Variants in DDX46 observed in about 807,000 individuals in gnomAD.
DDX46 encodes DEAD-box helicase 46, also known as probable ATP-dependent RNA helicase DDX46.
DDX46 carries 30 observed loss-of-function variants against 134.9 expected under a neutral mutation model. That is an observed-to-expected ratio of 0.22 (90% CI 0.17 to 0.30). DDX46 has a LOEUF of 0.30. DDX46 is among the 10% of genes least tolerant of loss of function. The pLI, the probability that DDX46 is intolerant of heterozygous loss-of-function variation, is 1.00. For missense variants in DDX46, 622 were observed against 1,248.7 expected, an observed-to-expected ratio of 0.50 and a Z score of 7.56; for synonymous variants, 415 against 404.1, an observed-to-expected ratio of 1.03 and a Z score of -0.32.
At chr5:134,776,907 C>CTT (rs1753956297) in intron 5 of DDX46, among the ~76,000 whole-genome samples, 1 of 136,782 alleles carries the variant, frequency 7.3e-6, no homozygotes, top group Admixed American at 8.0e-5. Flanking sequence ...GAGCGAGACT[C>CTT]TGTCTCAAAA....
chr5:134,788,175 A>T (rs2150144784), intron 11 of DDX46, among the ~76,000 whole-genome samples: 1 of 152,098 alleles, frequency 6.6e-6, no homozygotes. Flanking sequence ...CTCAGGCTGG[A>T]GTGCAAGGAT....
chr5:134,829,733 C>G lies in DDX46; in HGVS notation c.*1027C>G, dbSNP rs1755684393. On this transcript the variant is annotated 3_prime_UTR_variant, in exon 23 of 23. Coordinates refer to ENST00000452510, the MANE Select transcript of DDX46 (RefSeq NM_001300860.2). Reference sequence around the variant, plus strand: ...CAGCAATTTGGGAGGCCGAGGTGGGCAGATCACTTGAGGTCAGGAGTTCAA... The same window carrying G: ...CAGCAATTTGGGAGGCCGAGGTGGGGAGATCACTTGAGGTCAGGAGTTCAA... 1 of 152,082 alleles carries G rather than the reference C, an allele frequency of 6.6e-6. No individual in the cohort carries two copies. The highest frequency in any genetic ancestry group is 6.6e-5 in the Admixed American group (1 of 15,246). The allele number at this position is 152,082 out of a possible 1,614,324, so 9.4% of individuals were successfully genotyped here.
intron 15 of DDX46, among the ~76,000 whole-genome samples, chr5:134,804,599 A>G (rs1264050319): frequency 6.6e-6 from 1 of 152,048 alleles, no homozygotes; most frequent in East Asian, 1.9e-4. Context: ...CCACCACACC[A>G]GGCTAATTTT....
At chr5:134,813,134 A>G (rs1268934690) in intron 18 of DDX46, among the ~76,000 whole-genome samples, 3 of 151,836 alleles carry the variant, frequency 2.0e-5, no homozygotes, top group Admixed American at 6.6e-5. Flanking sequence ...TACTAGAGAC[A>G]GGGTTTCACC....
chr5:134,768,842 C>T (rs762470247), intron 3 of DDX46, among the ~76,000 whole-genome samples: 3 of 151,992 alleles, frequency 2.0e-5, no homozygotes, highest in South Asian at 2.1e-4. Context: ...GGATGGATCA[C>T]GAGGTCAGGA....
chr5:134,826,838 C>A, intron 21 of DDX46, 109 bp from the exon 22 acceptor site: 1 of 992,098 alleles, frequency 1.0e-6, no homozygotes, highest in Non-Finnish European at 1.5e-6. Context: ...GCAGGCAGTA[C>A]AGTGTTTCTG....
At position 134,758,813 on chromosome 5, in the gene DDX46, A is replaced by G. The variant is rs1226425469; in HGVS notation, c.-126A>G. The G allele has an allele frequency of 3.4e-6, 5 of 1,464,634 alleles. No individual in the cohort carries two copies. In the African/African-American group the frequency reaches 4.2e-5, roughly 12 times the overall value. The allele number at this position is 1,464,634 out of a possible 1,614,324, so 90.7% of individuals were successfully genotyped here. A position where few individuals can be genotyped will look rare whatever the true frequency, so the allele number is the denominator to read the frequency against. ...TTGGCCGCGCTGGGATGGCCGCCAC[A>G]GCTGTAGGTGCTGCTAGTGTTTAGC... On this transcript the variant is annotated 5_prime_UTR_variant, in exon 1 of 23. Transcript: ENST00000452510.
In DDX46 at chr5:134,758,845, C is replaced by T. The variant is rs938355757; in HGVS notation, c.-94C>T. On this transcript the variant is annotated 5_prime_UTR_variant, in exon 1 of 23. Coordinates refer to ENST00000452510, the MANE Select transcript of DDX46 (RefSeq NM_001300860.2). ...GGTGCTGCTAGTGTTTAGCGCTGGT[C>T]TTTGCCGGGCGTTGAGGGCAGCTCA... is the stretch of plus-strand genomic sequence containing the variant. The T allele has an allele frequency of 6.9e-6, 11 of 1,595,624 alleles. No homozygotes were observed. Among genetic ancestry groups the T allele is most frequent in the Non-Finnish European group, 9.4e-6 (11 of 1,164,510 alleles).
rs10655595 is a variant in DDX46 at position 134,780,564 on chromosome 5, C to CAATAAATAAATA, written c.766-542_766-531dup. On this transcript the variant is annotated intron_variant, in intron 6 of 22. Transcript: ENST00000452510. ...GGGTGACAAGAGCAAAACTTTATCT[C>CAATAAATAAATA]AATAAATAAATAAATAAATAAATAA... is the stretch of plus-strand genomic sequence containing the variant. 5.0e-3 allele frequency among the ~76,000 whole-genome samples: 708 copies of CAATAAATAAATA among 142,326 alleles called. 2 individuals carry two copies. Among genetic ancestry groups the CAATAAATAAATA allele is most frequent in the Admixed American group, 0.012 (168 of 13,946 alleles). The allele number at this position is 142,326 out of a possible 152,430, so 93.4% of individuals were successfully genotyped here.
intron 12 of DDX46, chr5:134,789,361 A>G (rs1337548534): frequency 6.6e-6 from 1 of 152,166 alleles, no homozygotes; most frequent in African/African-American, 2.4e-5. Context: ...TTATTTTGGC[A>G]CTTTTTATTT....
intron 1 of DDX46, among the ~76,000 whole-genome samples, chr5:134,762,109 A>G (rs2150127261): frequency 6.6e-6 from 1 of 152,156 alleles, no homozygotes; most frequent in South Asian, 2.1e-4. Flanking sequence ...ATGAAAAATA[A>G]AAAGAAATAA....
chr5:134,810,850 A>G (rs549908105), intron 16 of DDX46, among the ~76,000 whole-genome samples: 1 of 151,834 alleles, frequency 6.6e-6, no homozygotes, highest in South Asian at 2.1e-4. Context: ...TAGTGAAAAT[A>G]CAAAAATTAG....
intron 21 of DDX46, among the ~76,000 whole-genome samples, chr5:134,822,640 A>G (rs1337416467): frequency 6.6e-6 from 1 of 152,014 alleles, no homozygotes; most frequent in Non-Finnish European, 1.5e-5. Flanking sequence ...TTGTTCTGTC[A>G]CCTGTCCTGG....
rs28422127 is a variant in DDX46 at position 134,788,663 on chromosome 5, A to G, written c.1543+72A>G. 4.6e-3 allele frequency: 6,123 copies of G among 1,324,466 alleles called. 237 individuals carry two copies. In the African/African-American group the frequency reaches 0.08, roughly 17 times the overall value. 82.0% of individuals were successfully genotyped at this position (1,324,466 alleles called of 1,614,324 possible). A position where few individuals can be genotyped will look rare whatever the true frequency, so the allele number is the denominator to read the frequency against. On this transcript the variant is annotated intron_variant, in intron 12 of 22. Transcript: ENST00000452510. The stretch of plus-strand genomic sequence containing the variant: ...ACTTTTTTTTGTTAAAACAGATGCA[A>G]GAAACCAACAAAGGGTTTCTATATT...
intron 15 of DDX46, among the ~76,000 whole-genome samples, chr5:134,800,597 C>G (rs1754796741): frequency 6.6e-6 from 1 of 152,238 alleles, no homozygotes; most frequent in Middle Eastern, 3.4e-3. Context: ...CTCATCGTGT[C>G]CCTATAAAGG....
In DDX46 at chr5:134,782,961, A is replaced by T. The variant is rs201316770; in HGVS notation, c.1062A>T (p.Arg354=). ...KMSQEEVNVF[R]LEMEGITVKG... ...GTTTTGTAGAGGTAAATGTGTTTCG[A>T]TTGGAAATGGAGGGCATTACAGTTA... The change falls in exon 9 of 23, where the codon CGA becomes CGT. Residue 354 remains arginine, a synonymous_variant. Coordinates refer to ENST00000452510, the MANE Select transcript of DDX46 (RefSeq NM_001300860.2). 1 of 1,613,706 alleles carries T rather than the reference A, an allele frequency of 6.2e-7. No individual in the cohort carries two copies. Among genetic ancestry groups the T allele is most frequent in the Admixed American group, 1.7e-5 (1 of 59,990 alleles).
chr5:134,763,488 T>A (rs1268164862), intron 1 of DDX46, among the ~76,000 whole-genome samples: 1 of 152,232 alleles, frequency 6.6e-6, no homozygotes, highest in Admixed American at 6.5e-5. Flanking sequence ...TTTGCACTTG[T>A]GCCTTTTGCG....
In DDX46 at chr5:134,811,214, G is replaced by A. The variant is rs760488222; in HGVS notation, c.2149-7G>A. On this transcript the variant is annotated splice_polypyrimidine_tract_variant and splice_region_variant and intron_variant, in intron 16 of 22. Coordinates refer to ENST00000452510, the MANE Select transcript of DDX46 (RefSeq NM_001300860.2). ...TCTAATAATTGTACTTTTTCATCAT[G>A]CATTAGGGTTATGCTTATACTTTTA... The A allele has an allele frequency of 6.2e-7, 1 of 1,612,652 alleles. No individual in the cohort carries two copies. The highest frequency in any genetic ancestry group is 1.7e-5 in the Admixed American group (1 of 59,720).
rs1432437296 is a variant in DDX46 at position 134,831,009 on chromosome 5, TCA to T, written c.*2307_*2308del. On this transcript the variant is annotated 3_prime_UTR_variant, in exon 23 of 23. Transcript: ENST00000452510. ...TACTTTGTTAGTACATTTTTTAGTG[TCA>T]CACTGACTTTTAAAATTTGAATGAT... 6.6e-6 allele frequency: 1 copy of T among 152,630 alleles called. No individual in the cohort carries two copies. The highest frequency in any genetic ancestry group is 1.5e-5 in the Non-Finnish European group (1 of 68,036). 9.5% of individuals were successfully genotyped at this position (152,630 alleles called of 1,614,324 possible). A position where few individuals can be genotyped will look rare whatever the true frequency, so the allele number is the denominator to read the frequency against.
Sources: gnomAD v4.1 joint callset for allele counts (sites outside exome capture counted in the v4.1 genomes callset) on GRCh38, gnomAD v4.1.1 for gene constraint, MANE v1.5 for transcripts, NCBI Gene and HGNC (gene_info 2026-07-23, HGNC 2026-07-21) for gene names.